Variants in ZNF441 observed in about 807,000 individuals in gnomAD.
ZNF441 encodes zinc finger protein 441.
In ZNF441, 25 loss-of-function variants were observed where a neutral mutation model predicts 64.5. The ratio of observed to expected loss-of-function variants is 0.39; its 90% CI spans 0.28 to 0.54. ZNF441 has a LOEUF of 0.54. Among genes scored for constraint, ZNF441 ranks in the 20% least tolerant of loss-of-function variants. The pLI is 0.70. For synonymous variants in ZNF441, 262 were observed against 268.0 expected (o/e 0.98, Z 0.22); for missense variants, 715 against 843.3 (o/e 0.85, Z 1.88).
chr19:11,779,355 G>C (rs1006403976), intron 3 of ZNF441, among the ~76,000 whole-genome samples: 1 of 150,310 alleles, frequency 6.7e-6, no homozygotes, highest in African/African-American at 2.4e-5. Context: ...AAAAAGAAAG[G>C]CTGGGTATGG....
At chr19:11,770,254 T>C (rs1176973853) in intron 1 of ZNF441, among the ~76,000 whole-genome samples, 1 of 152,050 alleles carries the variant, frequency 6.6e-6, no homozygotes, top group Non-Finnish European at 1.5e-5. Context: ...CAAACACTTA[T>C]AAAACCGTCA....
At chr19:11,778,191 T>A (rs1300643360) in intron 2 of ZNF441, 139 bp from the exon 3 acceptor site, 2 of 645,524 alleles carry the variant, frequency 3.1e-6, no homozygotes, top group Admixed American at 3.0e-5. Context: ...TAAGTAGACC[T>A]GTGCAGTTCA....
chr19:11,779,512 G>A (rs1185346750), intron 3 of ZNF441, among the ~76,000 whole-genome samples: 1 of 151,918 alleles, frequency 6.6e-6, no homozygotes, highest in East Asian at 1.9e-4. Context: ...TTGGGAGGCT[G>A]AGGTGGGCAG....
chr19:11,781,916 C>G lies in ZNF441; in HGVS notation c.*10C>G. The G allele has an allele frequency of 6.4e-7, 1 of 1,562,206 alleles. No individual in the cohort carries two copies. The highest frequency in any genetic ancestry group is 8.7e-7 in the Non-Finnish European group (1 of 1,153,558). On this transcript the variant is annotated 3_prime_UTR_variant, in exon 4 of 4. Coordinates refer to ENST00000357901, the MANE Select transcript of ZNF441 (RefSeq NM_152355.3). ...TGAAATGACTCACTAGAGAAAACCC[C>G]TATGAGTGTTGAACATGTGAGAAAG...
At position 11,778,353 on chromosome 19, in the gene ZNF441, A is replaced by G. The variant is rs781277154; in HGVS notation, c.154A>G (p.Ile52Val). 4.5e-6 allele frequency: 7 copies of G among 1,546,372 alleles called. No homozygotes were observed. Among genetic ancestry groups the G allele is most frequent in the Non-Finnish European group, 6.1e-6 (7 of 1,144,936 alleles). Residue 52 changes from isoleucine (I) to valine (V), a missense_variant, in exon 3 of 4, where the codon ATA (isoleucine) becomes GTA (valine). Coordinates refer to ENST00000357901, the MANE Select transcript of ZNF441 (RefSeq NM_152355.3). Reference protein sequence around the residue: ...CIGMIWQNHDIEEDQYKDLRR... With the variant: ...CIGMIWQNHDVEEDQYKDLRR... ...AGGAATGATATGGCAAAATCATGAT[A>G]TAGAAGAAGATCAGTACAAAGATCT...
In ZNF441 at chr19:11,780,776, C is replaced by A; in HGVS notation, c.952C>A (p.Leu318Ile). 3 of 1,613,542 alleles carry A rather than the reference C, an allele frequency of 1.9e-6. No individual in the cohort carries two copies. The highest frequency in any genetic ancestry group is 1.7e-6 in the Non-Finnish European group (2 of 1,179,856). The change falls in exon 4 of 4, where the codon CTT becomes ATT. Residue 318 changes from leucine to isoleucine, a missense_variant. Physicochemically the swap from Leu to Ile is conservative, Grantham distance 5. Transcript: ENST00000357901. ...ATGTAAGATATGTGGAAAAGGCTTTCTTTCTCCCAGTTCAGTTCGAAGACA... is the reference window on the plus strand; with the variant it reads ...ATGTAAGATATGTGGAAAAGGCTTTATTTCTCCCAGTTCAGTTCGAAGACA... ...HKCKICGKGF[L>I]SPSSVRRHKR... is the part of the protein sequence containing the mutation.
At chr19:11,771,778 A>G (rs1173142500) in intron 1 of ZNF441, among the ~76,000 whole-genome samples, 2 of 152,226 alleles carry the variant, frequency 1.3e-5, no homozygotes, top group South Asian at 4.1e-4. Flanking sequence ...GTCTAGCGGT[A>G]GCAAAAAGTG....
At position 11,780,700 on chromosome 19, in the gene ZNF441, T is replaced by C. The variant is rs1466708029; in HGVS notation, c.876T>C (p.Leu292=). The C allele has an allele frequency of 2.5e-6, 4 of 1,613,892 alleles. No homozygotes were observed. The East Asian group carries it at 8.9e-5, about 36-fold the overall frequency. Residue 292 remains leucine, a synonymous_variant, in exon 4 of 4, where the codon CTT becomes CTC. Transcript: ENST00000357901. ...AATGTGGGAAAGCATTTTATCATCT[T>C]GGAAGCTTTCAAAGACACATGATAG... ...CKQCGKAFYH[L]GSFQRHMIVH...
intron 2 of ZNF441, 23 bp from the exon 3 acceptor site, chr19:11,778,307 A>C: frequency 6.8e-7 from 1 of 1,461,122 alleles, no homozygotes; most frequent in Non-Finnish European, 9.3e-7. Context: ...ATTTATAGTC[A>C]TTTTTCTGGT....
intron 1 of ZNF441, among the ~76,000 whole-genome samples, chr19:11,770,099 A>G (rs6511757): frequency 0.1 from 15,496 of 152,102 alleles, 1,850 homozygotes; most frequent in East Asian, 0.28. Flanking sequence ...TCACACTGCT[A>G]TAAAGAACTA....
Position 11,780,314 on chromosome 19 carries a change from C to T in ZNF441, c.490C>T (p.His164Tyr), listed in dbSNP as rs1568481682. The T allele has an allele frequency of 1.9e-6, 3 of 1,614,162 alleles. No homozygotes were observed. The highest frequency in any genetic ancestry group is 2.2e-5 in the South Asian group (2 of 91,084). The change falls in exon 4 of 4, where the codon CAT becomes TAT. Residue 164 changes from histidine (H) to tyrosine (Y), a missense_variant. By Grantham distance (83) the His-to-Tyr change is moderately conservative. Around this residue, in one of 2 missense-constraint regions of ZNF441, gnomAD observed 399 missense variants for 413.9 expected, o/e 0.96. Transcript: ENST00000357901. ...PCFQIHERPQ[H>Y]GKKLYDCKEC... ...CTTTCAAATACATGAAAGACCTCAGCATGGAAAGAAACTCTATGATTGTAA... is the reference window on the plus strand; with the variant it reads ...CTTTCAAATACATGAAAGACCTCAGTATGGAAAGAAACTCTATGATTGTAA...
At chr19:11,778,543 C>T (rs1975371968) in intron 3 of ZNF441, 150 bp downstream of exon 3, 11 of 616,568 alleles carry the variant, frequency 1.8e-5, no homozygotes, top group Admixed American at 9.6e-5. Flanking sequence ...GCTGTAGCCT[C>T]GGACTCCTGT....
Position 11,767,715 on chromosome 19 carries a change from T to C in ZNF441, c.3+519T>C, listed in dbSNP as rs1197220682. ...CATTCTTCTGCTGAGTGGGTTCCCT[T>C]GTGGGGTCTTCAGCCTGGTTGGCGC... On this transcript the variant is annotated intron_variant, in intron 1 of 3. Transcript: ENST00000357901. The surrounding 1 kb of genome is among the most constrained non-coding windows in gnomAD (Gnocchi z 5.1). 6.6e-6 allele frequency among the ~76,000 whole-genome samples: 1 copy of C among 152,154 alleles called. No homozygotes were observed. Among genetic ancestry groups the C allele is most frequent in the Non-Finnish European group, 1.5e-5 (1 of 68,012 alleles).
At chr19:11,778,727 G>A (rs1157935800) in intron 3 of ZNF441, among the ~76,000 whole-genome samples, 1 of 152,128 alleles carries the variant, frequency 6.6e-6, no homozygotes, top group Admixed American at 6.6e-5. Context: ...CAAAAGGCAG[G>A]TATTGCAGGC....
chr19:11,778,271 T>C, intron 2 of ZNF441, 59 bp from the exon 3 acceptor site: 1 of 1,207,528 alleles, frequency 8.3e-7, no homozygotes, highest in Non-Finnish European at 1.2e-6. Context: ...CATAAAATCT[T>C]ACAGTCTTTC....
At chr19:11,768,506 A>G (rs1207715903) in intron 1 of ZNF441, among the ~76,000 whole-genome samples, 1 of 152,228 alleles carries the variant, frequency 6.6e-6, no homozygotes, top group African/African-American at 2.4e-5. Context: ...GAAACGTTAC[A>G]GAGTGATGAG....
rs1436514136 is a variant in ZNF441 at position 11,767,238 on chromosome 19, G to C, written c.3+42G>C. The C allele has an allele frequency of 5.1e-6, 8 of 1,555,084 alleles. No homozygotes were observed. Among genetic ancestry groups the C allele is most frequent in the Non-Finnish European group, 7.0e-6 (8 of 1,149,028 alleles). On this transcript the variant is annotated intron_variant, in intron 1 of 3. Coordinates refer to ENST00000357901, the MANE Select transcript of ZNF441 (RefSeq NM_152355.3). This position sits in a 1 kb window ranked among gnomAD's most constrained non-coding sequence, Gnocchi z 5.1. ...TGGTGTCCCGACGCGTGAGAGGAGA[G>C]ACTGGTTGGAACCGGCCGGAACCGG...
rs1205504785 is a variant in ZNF441 at position 11,780,259 on chromosome 19, A to G, written c.435A>G (p.Gln145=). The change falls in exon 4 of 4, where the codon CAA becomes CAG. Residue 145 remains glutamine, a synonymous_variant. Coordinates refer to ENST00000357901, the MANE Select transcript of ZNF441 (RefSeq NM_152355.3). ...EYGEKPYTHT[Q]CGTAFSYQPC... ...GAGAGAAGCCATATACACATACACAATGTGGGACAGCTTTCAGTTATCAGC... is the reference window on the plus strand; with the variant it reads ...GAGAGAAGCCATATACACATACACAGTGTGGGACAGCTTTCAGTTATCAGC... The G allele has an allele frequency of 3.1e-6, 5 of 1,614,202 alleles. No individual in the cohort carries two copies. The highest frequency in any genetic ancestry group is 1.3e-5 in the African/African-American group (1 of 75,070).
At chr19:11,770,084 C>T (rs764152854) in intron 1 of ZNF441, among the ~76,000 whole-genome samples, 1 of 152,006 alleles carries the variant, frequency 6.6e-6, no homozygotes, top group Non-Finnish European at 1.5e-5. Context: ...TGTATTAGTC[C>T]ATTTTCACAC....
Sources: gnomAD v4.1 joint callset for allele counts (sites outside exome capture counted in the v4.1 genomes callset) on GRCh38, gnomAD v4.1.1 for gene constraint, gnomAD v4.1.1 regional missense constraint, Gnocchi (gnomAD v3.1) non-coding constraint, MANE v1.5 for transcripts, NCBI Gene and HGNC (gene_info 2026-07-23, HGNC 2026-07-21) for gene names.